FAR2: variants seen among roughly 807,000 people sequenced by gnomAD.
FAR2 encodes fatty acyl-CoA reductase 2, also known as epididymis secretory protein Li 81.
FAR2 carries 19 observed loss-of-function variants against 56.0 expected under a neutral mutation model. The observed-to-expected ratio is 0.34, with a 90% CI of 0.24 to 0.50. The LOEUF is 0.50. Among genes scored for constraint, FAR2 ranks in the 20% least tolerant of loss-of-function variants. The pLI is 0.98. For missense variants in FAR2, 508 were observed against 642.2 expected, an observed-to-expected ratio of 0.79 and a Z score of 2.26; for synonymous variants, 219 against 218.8, an observed-to-expected ratio of 1.00 and a Z score of -0.01.
chr12:29,208,942 G>A (rs1252321093), intron 1 of FAR2, among the ~76,000 whole-genome samples: 2 of 152,094 alleles, frequency 1.3e-5, no homozygotes, highest in Non-Finnish European at 2.9e-5. Context: ...GCTAATGTGA[G>A]GAAACCAACC....
chr12:29,186,146 C>T (rs1565685422), intron 1 of FAR2, among the ~76,000 whole-genome samples: 1 of 152,184 alleles, frequency 6.6e-6, no homozygotes, highest in East Asian at 1.9e-4. Flanking sequence ...AATATGTAAT[C>T]AATATAAAAT....
At chr12:29,293,124 C>A in intron 2 of FAR2, 176 bp from the exon 3 acceptor site, 1 of 457,776 alleles carries the variant, frequency 2.2e-6, no homozygotes, top group Non-Finnish European at 3.7e-6. Flanking sequence ...GCTTTGGCTT[C>A]CCAAAGTGCT....
At chr12:29,153,331 A>G (rs1949696306) in intron 1 of FAR2, among the ~76,000 whole-genome samples, 1 of 151,948 alleles carries the variant, frequency 6.6e-6, no homozygotes, top group Non-Finnish European at 1.5e-5. Flanking sequence ...ATAGGGGTTA[A>G]CTTGACTAAA....
At chr12:29,241,489 A>G (rs1419527455) in intron 1 of FAR2, among the ~76,000 whole-genome samples, 1 of 152,068 alleles carries the variant, frequency 6.6e-6, no homozygotes, top group Non-Finnish European at 1.5e-5. Context: ...CCTTCTCTGC[A>G]GGAAAAAAAA....
At chr12:29,196,686 C>G (rs1950147094) in intron 1 of FAR2, among the ~76,000 whole-genome samples, 2 of 152,080 alleles carry the variant, frequency 1.3e-5, no homozygotes, top group African/African-American at 2.4e-5. Context: ...GGAAAAACTT[C>G]TGGACATTGG....
At chr12:29,280,130 G>A (rs1334719778) in intron 2 of FAR2, among the ~76,000 whole-genome samples, 2 of 152,044 alleles carry the variant, frequency 1.3e-5, no homozygotes, top group Non-Finnish European at 2.9e-5. Flanking sequence ...TCACCATGTT[G>A]GCCAGGCTTG....
chr12:29,160,895 C>T (rs918317346), intron 1 of FAR2, among the ~76,000 whole-genome samples: 9 of 152,082 alleles, frequency 5.9e-5, no homozygotes, highest in African/African-American at 1.7e-4. Flanking sequence ...AATAAGGTCA[C>T]ATTCTAAGGT....
rs1161311936 is a variant in FAR2, at chr12:29,149,322, TGG to T, written c.-123_-122del. 1.3e-5 allele frequency: 2 copies of T among 152,500 alleles called. No homozygotes were observed. Among genetic ancestry groups the T allele is most frequent in the Non-Finnish European group, 2.9e-5 (2 of 68,260 alleles). 9.4% of individuals were successfully genotyped at this position (152,500 alleles called of 1,614,324 possible). A position where few individuals can be genotyped will look rare whatever the true frequency, so the allele number is the denominator to read the frequency against. On this transcript the variant is annotated 5_prime_UTR_variant, in exon 1 of 12. Coordinates refer to ENST00000536681, the MANE Select transcript of FAR2 (RefSeq NM_001271783.2). ...CCGAAAGACTGGAGCCGTTTCCTTG[TGG>T]CTGGAGCGCTTCCCGTAGCCTCGGG...
intron 1 of FAR2, among the ~76,000 whole-genome samples, chr12:29,246,084 T>A (rs1428664039): frequency 1.3e-5 from 2 of 151,704 alleles, no homozygotes; most frequent in African/African-American, 4.8e-5. Context: ...AGTTTTATAT[T>A]TTTTTAATAT....
At chr12:29,248,609 G>A (rs1056065784) in intron 1 of FAR2, among the ~76,000 whole-genome samples, 1 of 152,212 alleles carries the variant, frequency 6.6e-6, no homozygotes, top group Non-Finnish European at 1.5e-5. Context: ...GGGCACCATT[G>A]TCATTGATAA....
chr12:29,188,781 T>G (rs1261312635), intron 1 of FAR2, among the ~76,000 whole-genome samples: 3 of 151,918 alleles, frequency 2.0e-5, no homozygotes, highest in African/African-American at 7.2e-5. Flanking sequence ...GTTTTTTGTT[T>G]TTTTTTTTTC....
intron 1 of FAR2, among the ~76,000 whole-genome samples, chr12:29,262,459 C>T (rs555694483): frequency 2.6e-5 from 4 of 152,064 alleles, no homozygotes; most frequent in Admixed American, 6.6e-5. Flanking sequence ...AGATAAACCC[C>T]GTTTCTACTA....
chr12:29,247,603 T>A (rs1469338127), intron 1 of FAR2, among the ~76,000 whole-genome samples: 1 of 152,212 alleles, frequency 6.6e-6, no homozygotes, highest in Non-Finnish European at 1.5e-5. Flanking sequence ...CTTGGTTGAA[T>A]AACACATTGA....
chr12:29,271,523 T>G (rs958924411), intron 2 of FAR2, among the ~76,000 whole-genome samples: 6 of 152,222 alleles, frequency 3.9e-5, no homozygotes, highest in Non-Finnish European at 5.9e-5. Context: ...TCAGAGTTCC[T>G]TTTTTTACAA....
chr12:29,210,255 T>C (rs1020303085), intron 1 of FAR2, among the ~76,000 whole-genome samples: 2 of 152,156 alleles, frequency 1.3e-5, no homozygotes, highest in Non-Finnish European at 2.9e-5. Flanking sequence ...ATTAATTCTG[T>C]TTTAGAAAAA....
intron 1 of FAR2, among the ~76,000 whole-genome samples, chr12:29,225,156 A>G (rs1263081870): frequency 6.6e-6 from 1 of 152,144 alleles, no homozygotes. Flanking sequence ...GGATCACTTG[A>G]GCCTGGGAGG....
At chr12:29,264,723 G>A (rs1157616561) in intron 1 of FAR2, among the ~76,000 whole-genome samples, 1 of 151,798 alleles carries the variant, frequency 6.6e-6, no homozygotes, top group Non-Finnish European at 1.5e-5. Flanking sequence ...AAATTGGAAA[G>A]GAAGAAGTTA....
intron 1 of FAR2, among the ~76,000 whole-genome samples, chr12:29,149,656 G>C (rs1031848370): frequency 6.6e-6 from 1 of 152,234 alleles, no homozygotes. Flanking sequence ...GGTTGGCGTC[G>C]GCGGAGCCCG....
intron 1 of FAR2, among the ~76,000 whole-genome samples, chr12:29,245,082 G>A (rs1404799989): frequency 3.9e-5 from 6 of 151,920 alleles, no homozygotes; most frequent in African/African-American, 1.5e-4. Flanking sequence ...CCGGGTTCAA[G>A]CGATTTTCCT....
Sources: allele counts gnomAD v4.1 joint callset (sites outside exome capture counted in the v4.1 genomes callset), GRCh38; gene constraint gnomAD v4.1.1; transcripts MANE v1.5; gene names NCBI Gene and HGNC (gene_info 2026-07-23, HGNC 2026-07-21).